The following CADM2 variants were observed in gnomAD, a reference collection of about 807,000 sequenced individuals.
CADM2 encodes cell adhesion molecule 2.
Under a neutral mutation model 49.8 loss-of-function variants are expected in CADM2, and 12 were observed. That is an observed-to-expected ratio of 0.24 (90% confidence interval 0.15 to 0.39). CADM2 has a LOEUF of 0.39. Ranked by LOEUF, CADM2 falls within the 10% of genes least tolerant of loss-of-function variation. The pLI, the probability that CADM2 is intolerant of heterozygous loss-of-function variation, is 1.00. For missense variants in CADM2, 378 were observed against 492.3 expected, an observed-to-expected ratio of 0.77 and a Z score of 2.20; for synonymous variants, 214 against 175.4, an observed-to-expected ratio of 1.22 and a Z score of -1.74.
chr3:85,119,881 G>T (rs2038789262), intron 1 of CADM2, among the ~76,000 whole-genome samples: 1 of 152,026 alleles, frequency 6.6e-6, no homozygotes, highest in African/African-American at 2.4e-5. Flanking sequence ...AAAGAAACTA[G>T]CGTCAGAGTG....
intron 1 of CADM2, among the ~76,000 whole-genome samples, chr3:85,343,412 A>G (rs2030161871): frequency 1.3e-5 from 2 of 152,142 alleles, no homozygotes. Flanking sequence ...CCCATTCTAG[A>G]GTCTCTTTGT....
chr3:85,843,336 T>C (rs1188016463), intron 3 of CADM2, among the ~76,000 whole-genome samples: 2 of 152,054 alleles, frequency 1.3e-5, no homozygotes, highest in Admixed American at 1.3e-4. Context: ...TAATGTATCT[T>C]TGTCTTTAAG....
intron 1 of CADM2, among the ~76,000 whole-genome samples, chr3:85,465,021 C>T (rs917426377): frequency 6.6e-6 from 1 of 152,030 alleles, no homozygotes; most frequent in East Asian, 1.9e-4. Flanking sequence ...TGGTGGCACA[C>T]GCCTATAGTC....
At chr3:85,679,590 A>C (rs1017731371) in intron 1 of CADM2, among the ~76,000 whole-genome samples, 4 of 152,064 alleles carry the variant, frequency 2.6e-5, no homozygotes, top group Non-Finnish European at 5.9e-5. Flanking sequence ...CAATTTCTAG[A>C]TTGTATTATG....
At chr3:85,969,563 C>T (rs1039504965) in intron 8 of CADM2, among the ~76,000 whole-genome samples, 2 of 151,042 alleles carry the variant, frequency 1.3e-5, no homozygotes, top group African/African-American at 4.9e-5. Flanking sequence ...CTCTACAAGA[C>T]ATATATCATT....
chr3:85,863,396 G>A (rs2075609433), intron 3 of CADM2, among the ~76,000 whole-genome samples: 2 of 152,070 alleles, frequency 1.3e-5, no homozygotes, highest in South Asian at 2.1e-4. Context: ...GCCTTTAAGA[G>A]GTGACTGCCA....
chr3:85,000,511 A>G (rs906892945), intron 1 of CADM2, among the ~76,000 whole-genome samples: 2 of 152,146 alleles, frequency 1.3e-5, no homozygotes, highest in South Asian at 2.1e-4. Flanking sequence ...TAAGTAAAAT[A>G]TCTTAAGATG....
At chr3:85,604,316 A>T (rs951449997) in intron 1 of CADM2, among the ~76,000 whole-genome samples, 2 of 151,962 alleles carry the variant, frequency 1.3e-5, no homozygotes, top group Admixed American at 6.6e-5. Context: ...GCTTAATCTC[A>T]TCTGATCACA....
chr3:85,685,615 C>CTTTTTTTTTT (rs59277971), intron 1 of CADM2, among the ~76,000 whole-genome samples: 24 of 122,008 alleles, frequency 2.0e-4, no homozygotes, highest in African/African-American at 3.5e-4. Flanking sequence ...TTCTTTCTTT[C>CTTTTTTTTTT]TTTTTTTTTT....
chr3:85,614,425 A>G (rs1433419063), intron 1 of CADM2, among the ~76,000 whole-genome samples: 1 of 151,846 alleles, frequency 6.6e-6, no homozygotes, highest in Non-Finnish European at 1.5e-5. Context: ...GCAGAGAAAA[A>G]TAATTATGAT....
chr3:85,257,566 A>G (rs1246591879), intron 1 of CADM2, among the ~76,000 whole-genome samples: 1 of 152,074 alleles, frequency 6.6e-6, no homozygotes, highest in Non-Finnish European at 1.5e-5. Context: ...GAGAAGTATT[A>G]TTTTCAGTAT....
At chr3:85,397,465 GA>G (rs1159240947) in intron 1 of CADM2, among the ~76,000 whole-genome samples, 3 of 152,128 alleles carry the variant, frequency 2.0e-5, no homozygotes, top group Admixed American at 2.0e-4. Context: ...ATAGTCCAAA[GA>G]TGGAAATAAC....
chr3:85,788,510 G>A (rs1395495808), intron 2 of CADM2, among the ~76,000 whole-genome samples: 1 of 151,932 alleles, frequency 6.6e-6, no homozygotes, highest in Non-Finnish European at 1.5e-5. Context: ...TACAGAAAAA[G>A]AATATTAATG....
rs1703354051 is a variant in CADM2 at position 86,072,725 on chromosome 3, G to A, written c.*5942G>A. ...TATTTACTGATAGTGAAAATCATAC[G>A]CAATAAAATATTGATGTTTGAAGGC... On this transcript the variant is annotated 3_prime_UTR_variant, in exon 10 of 10. Coordinates refer to ENST00000383699, the MANE Select transcript of CADM2 (RefSeq NM_001167675.2). 1.3e-5 allele frequency: 2 copies of A among 152,036 alleles called. No homozygotes were observed. The highest frequency in any genetic ancestry group is 2.1e-4 in the South Asian group (1 of 4,816). The allele number at this position is 152,036 out of a possible 1,614,324, so 9.4% of individuals were successfully genotyped here.
chr3:85,512,404 AT>A lies in CADM2; in HGVS notation c.62-214117del, dbSNP rs1280293977. 3.3e-5 allele frequency among the ~76,000 whole-genome samples: 5 copies of A among 152,000 alleles called. No individual in the cohort carries two copies. In the East Asian group the frequency reaches 9.6e-4, roughly 29 times the overall value. On this transcript the variant is annotated intron_variant, in intron 1 of 9. Coordinates refer to ENST00000383699, the MANE Select transcript of CADM2 (RefSeq NM_001167675.2). ...GGTGTATGTGCACCAGATTTTCTTT[AT>A]CCAATAGACCGTTGATTTCATGTCT...
intron 1 of CADM2, among the ~76,000 whole-genome samples, chr3:85,229,030 T>A (rs2042224123): frequency 6.6e-6 from 1 of 152,160 alleles, no homozygotes; most frequent in South Asian, 2.1e-4. Context: ...AGAGGTGGAA[T>A]CTAGAGAGGC....
intron 2 of CADM2, among the ~76,000 whole-genome samples, chr3:85,754,933 T>TA (rs1300270235): frequency 6.6e-6 from 1 of 152,178 alleles, no homozygotes. Context: ...CCTTAGAAGG[T>TA]AAAACGTATT....
At chr3:85,890,640 G>A (rs891264712) in intron 5 of CADM2, among the ~76,000 whole-genome samples, 2 of 151,840 alleles carry the variant, frequency 1.3e-5, no homozygotes, top group Non-Finnish European at 2.9e-5. Context: ...TTATAAGGCT[G>A]TGACATAGGT....
chr3:84,966,109 T>TA (rs1422066659), intron 1 of CADM2, among the ~76,000 whole-genome samples: 4 of 152,212 alleles, frequency 2.6e-5, no homozygotes, highest in Admixed American at 2.6e-4. Flanking sequence ...TTGGTCCTGT[T>TA]AATGTGTTCA....
Sources: gnomAD v4.1 joint callset for allele counts (sites outside exome capture counted in the v4.1 genomes callset) on GRCh38, gnomAD v4.1.1 for gene constraint, MANE v1.5 for transcripts, NCBI Gene and HGNC (gene_info 2026-07-23, HGNC 2026-07-21) for gene names.